BTBD9: variants seen among roughly 807,000 people sequenced by gnomAD.
BTBD9 encodes BTB/POZ domain-containing protein 9.
In BTBD9, 49 loss-of-function variants were observed where a neutral mutation model predicts 64.3. That is an observed-to-expected ratio of 0.76 (90% CI 0.61 to 0.97). BTBD9 has a LOEUF of 0.97. BTBD9 is among the 50% of genes least tolerant of loss of function. The pLI is 0.00. For missense variants in BTBD9, 598 were observed against 762.1 expected (o/e 0.78, Z 2.53); for synonymous variants, 260 against 274.7 (o/e 0.95, Z 0.53).
chr6:38,352,601 C>G (rs867826106), intron 6 of BTBD9, among the ~76,000 whole-genome samples: 2 of 152,138 alleles, frequency 1.3e-5, no homozygotes, highest in Admixed American at 6.5e-5. Context: ...ATGGGGTAAG[C>G]TCCTTAATTT....
chr6:38,421,123 G>A (rs1767886717), intron 6 of BTBD9, among the ~76,000 whole-genome samples: 2 of 151,978 alleles, frequency 1.3e-5, no homozygotes, highest in African/African-American at 4.8e-5. Flanking sequence ...TTGGGAGGCC[G>A]AGGTGGATCA....
intron 6 of BTBD9, among the ~76,000 whole-genome samples, chr6:38,488,197 C>T (rs1771544263): frequency 6.6e-6 from 1 of 152,070 alleles, no homozygotes; most frequent in Admixed American, 6.5e-5. Context: ...GCTATCCTCC[C>T]ACTTCGGCCC....
chr6:38,224,295 G>GT (rs1763315727), intron 9 of BTBD9, among the ~76,000 whole-genome samples: 1 of 152,130 alleles, frequency 6.6e-6, no homozygotes, highest in African/African-American at 2.4e-5. Context: ...CTTTTTCTAT[G>GT]TTTTCATTCC....
At chr6:38,564,601 C>T (rs1355107118) in intron 6 of BTBD9, among the ~76,000 whole-genome samples, 1 of 151,812 alleles carries the variant, frequency 6.6e-6, no homozygotes, top group Non-Finnish European at 1.5e-5. Context: ...AAGAATCTCA[C>T]TATATGGCCG....
chr6:38,526,154 C>G (rs1162691493), intron 6 of BTBD9, among the ~76,000 whole-genome samples: 3 of 152,262 alleles, frequency 2.0e-5, no homozygotes, highest in African/African-American at 7.2e-5. Context: ...GGCCCTGCTG[C>G]TCTGTGCAGC....
At chr6:38,334,923 A>G (rs1763834815) in intron 7 of BTBD9, among the ~76,000 whole-genome samples, 1 of 152,070 alleles carries the variant, frequency 6.6e-6, no homozygotes, top group African/African-American at 2.4e-5. Flanking sequence ...TCCCCACCCA[A>G]ATCTCATCTT....
intron 8 of BTBD9, among the ~76,000 whole-genome samples, chr6:38,261,485 CT>C (rs1764791028): frequency 6.6e-6 from 1 of 152,126 alleles, no homozygotes; most frequent in Non-Finnish European, 1.5e-5. Context: ...TTTAAAAATA[CT>C]GCTAATTTGA....
intron 7 of BTBD9, among the ~76,000 whole-genome samples, chr6:38,289,533 G>C (rs1761879221): frequency 6.6e-6 from 1 of 152,088 alleles, no homozygotes; most frequent in African/African-American, 2.4e-5. Flanking sequence ...CTGAAAGTCT[G>C]TTTAAAGAAA....
intron 6 of BTBD9, among the ~76,000 whole-genome samples, chr6:38,423,142 G>A (rs1767981297): frequency 1.3e-5 from 2 of 151,980 alleles, no homozygotes; most frequent in African/African-American, 4.8e-5. Flanking sequence ...GTGCATGTCT[G>A]TAATCCCAGC....
At chr6:38,506,144 A>T (rs9394507) in intron 6 of BTBD9, among the ~76,000 whole-genome samples, 132,977 of 152,044 alleles carry the variant, frequency 0.87, 58,846 homozygotes, top group East Asian at 0.99. Flanking sequence ...CCCTCAGACA[A>T]TAGCCAAATC....
chr6:38,574,839 C>T (rs1047898418), intron 6 of BTBD9, among the ~76,000 whole-genome samples: 6 of 151,666 alleles, frequency 4.0e-5, no homozygotes, highest in South Asian at 2.1e-4. Flanking sequence ...GAGAAGAGTT[C>T]GACCTAACTC....
At chr6:38,621,031 C>T (rs747901447) in intron 1 of BTBD9, among the ~76,000 whole-genome samples, 1 of 152,146 alleles carries the variant, frequency 6.6e-6, no homozygotes, top group African/African-American at 2.4e-5. Flanking sequence ...CTCAGACTCA[C>T]GGGACAACCC....
rs931042029 is a variant in BTBD9, at chr6:38,535,900, A to G, written c.1154+41700T>C. ...CTCAAACTATGAAACTACTAAAACAAAACACTGAGGAAACCCTCCAGGACA... is the reference window on the plus strand; with the variant it reads ...CTCAAACTATGAAACTACTAAAACAGAACACTGAGGAAACCCTCCAGGACA... On this transcript the variant is annotated intron_variant, in intron 6 of 10. Transcript: ENST00000481247. Among the ~76,000 whole-genome samples the G allele has an allele frequency of 2.6e-5, 4 of 152,168 alleles. No individual in the cohort carries two copies. The East Asian group carries it at 5.8e-4, about 22-fold the overall frequency.
At chr6:38,409,016 G>A (rs931905821) in intron 6 of BTBD9, among the ~76,000 whole-genome samples, 1 of 152,190 alleles carries the variant, frequency 6.6e-6, no homozygotes, top group Admixed American at 6.6e-5. Flanking sequence ...TTGGGAGGCC[G>A]AGGCAGGTGG....
chr6:38,483,172 T>A (rs1311278987), intron 6 of BTBD9, among the ~76,000 whole-genome samples: 2 of 152,010 alleles, frequency 1.3e-5, no homozygotes, highest in Non-Finnish European at 2.9e-5. Context: ...AGTGATACTT[T>A]ATCTTCTACA....
intron 5 of BTBD9, among the ~76,000 whole-genome samples, chr6:38,578,184 G>A (rs1198498718): frequency 6.6e-6 from 1 of 152,086 alleles, no homozygotes; most frequent in African/African-American, 2.4e-5. Flanking sequence ...CTCTAAGGAA[G>A]AAAGTCAACT....
chr6:38,505,964 C>CAACAAAAAAAAAAAAAAAAA (rs1175511241), intron 6 of BTBD9, among the ~76,000 whole-genome samples: 9 of 82,622 alleles, frequency 1.1e-4, no homozygotes, highest in African/African-American at 3.3e-4. Flanking sequence ...TCCGTCTCAA[C>CAACAAAAAAAAAAAAAAAAA]AAAAAAAAAA....
chr6:38,326,891 CAG>C (rs933039049), intron 7 of BTBD9, among the ~76,000 whole-genome samples: 3 of 152,110 alleles, frequency 2.0e-5, no homozygotes, highest in African/African-American at 4.8e-5. Flanking sequence ...TGATATTTTA[CAG>C]AGTCATTTCC....
chr6:38,616,701 A>G (rs886313014), intron 1 of BTBD9, among the ~76,000 whole-genome samples: 3 of 152,142 alleles, frequency 2.0e-5, no homozygotes, highest in Admixed American at 1.3e-4. Context: ...CTTTGATAGG[A>G]CAGAAACGAA....
Sources: gnomAD v4.1 joint callset for allele counts (sites outside exome capture counted in the v4.1 genomes callset) on GRCh38, gnomAD v4.1.1 for gene constraint, MANE v1.5 for transcripts, NCBI Gene and HGNC (gene_info 2026-07-23, HGNC 2026-07-21) for gene names.